The following NR2C2 variants were observed in gnomAD, a reference collection of about 807,000 sequenced individuals.
NR2C2 encodes the protein nuclear receptor subfamily 2 group C member 2.
A neutral mutation model predicts 62.9 loss-of-function variants in NR2C2; 6 were observed. That is an observed-to-expected ratio of 0.10 (90% confidence interval 0.05 to 0.19). The LOEUF (loss-of-function observed/expected upper bound fraction) is 0.19, where lower values mean the gene tolerates loss of function less well. Among genes scored for constraint, NR2C2 ranks in the 10% least tolerant of loss-of-function variants. The pLI, the probability that NR2C2 is intolerant of heterozygous loss-of-function variation, is 1.00. For missense variants in NR2C2, 479 were observed against 762.7 expected (o/e 0.63, Z 4.38); for synonymous variants, 272 against 273.8 (o/e 0.99, Z 0.07).
intron 1 of NR2C2, among the ~76,000 whole-genome samples, chr3:14,994,871 T>C (rs1265420437): frequency 2.0e-5 from 3 of 149,570 alleles, no homozygotes; most frequent in Non-Finnish European, 4.4e-5. Context: ...GCTATGATTG[T>C]GCCACTGCAC....
intron 5 of NR2C2, among the ~76,000 whole-genome samples, chr3:15,021,534 G>T (rs1277793993): frequency 6.6e-6 from 1 of 152,188 alleles, no homozygotes; most frequent in Non-Finnish European, 1.5e-5. Context: ...GGACCAGTCA[G>T]CATGGAGGTC....
intron 1 of NR2C2, among the ~76,000 whole-genome samples, chr3:14,962,987 T>C (rs1389277560): frequency 6.6e-6 from 1 of 152,072 alleles, no homozygotes; most frequent in Non-Finnish European, 1.5e-5. Context: ...TATTATAAAA[T>C]AGGTTGAGAA....
intron 2 of NR2C2, chr3:15,004,512 T>C (rs770567612): frequency 2.6e-6 from 4 of 1,564,540 alleles, no homozygotes; most frequent in Non-Finnish European, 2.6e-6. Context: ...ACTAATATTG[T>C]TATTAACTAA....
intron 1 of NR2C2, among the ~76,000 whole-genome samples, chr3:15,002,933 C>G (rs900888629): frequency 8.0e-5 from 12 of 150,278 alleles, no homozygotes; most frequent in African/African-American, 2.9e-4. Context: ...GCTGGGATTA[C>G]AGGCGTGAGC....
chr3:14,953,158 A>G (rs2039418888), intron 1 of NR2C2, among the ~76,000 whole-genome samples: 1 of 135,114 alleles, frequency 7.4e-6, no homozygotes, highest in African/African-American at 2.5e-5. Context: ...GTAATGATGA[A>G]AGTCAGCCTC....
At chr3:15,042,732 G>C (rs780406001) in intron 13 of NR2C2, 102 bp from the exon 14 acceptor site, 2 of 1,008,528 alleles carry the variant, frequency 2.0e-6, no homozygotes, top group East Asian at 2.4e-5. Context: ...GATCCGTTTG[G>C]TTTGATTCTG....
At chr3:15,022,231 AG>A (rs2041687977) in intron 5 of NR2C2, among the ~76,000 whole-genome samples, 1 of 152,214 alleles carries the variant, frequency 6.6e-6, no homozygotes, top group Non-Finnish European at 1.5e-5. Context: ...GACTGCTAAA[AG>A]GAGAGTTTGC....
In NR2C2 at chr3:15,044,614, C is replaced by A. The variant is rs2042386296; in HGVS notation, c.*1606C>A. On this transcript the variant is annotated 3_prime_UTR_variant, in exon 14 of 14. Transcript: ENST00000425241. ...AAATAGTCCAGATTAAGAAAATACACCCTGTTGGGTTAAATTTGCCTCTCT... is the reference window on the plus strand; with the variant it reads ...AAATAGTCCAGATTAAGAAAATACAACCTGTTGGGTTAAATTTGCCTCTCT... 1 of 152,222 alleles carries A rather than the reference C, an allele frequency of 6.6e-6. No homozygotes were observed. The highest frequency in any genetic ancestry group is 1.5e-5 in the Non-Finnish European group (1 of 68,042). 9.4% of individuals were successfully genotyped at this position (152,222 alleles called of 1,614,324 possible). A position where few individuals can be genotyped will look rare whatever the true frequency, so the allele number is the denominator to read the frequency against.
intron 4 of NR2C2, among the ~76,000 whole-genome samples, chr3:15,020,267 CAG>C (rs2041634486): frequency 1.3e-5 from 2 of 152,194 alleles, no homozygotes; most frequent in African/African-American, 2.4e-5. Flanking sequence ...GGACGTGAAT[CAG>C]AGAGGGGCTA....
chr3:15,030,136 C>A, intron 8 of NR2C2, 139 bp from the exon 9 acceptor site: 2 of 746,312 alleles, frequency 2.7e-6, no homozygotes, highest in Non-Finnish European at 4.3e-6. Context: ...ACCAGCCTGG[C>A]CAACATAGTG....
intron 2 of NR2C2, among the ~76,000 whole-genome samples, chr3:15,010,882 T>A (rs1438708581): frequency 6.6e-6 from 1 of 152,126 alleles, no homozygotes; most frequent in Non-Finnish European, 1.5e-5. Context: ...GACATGCTGG[T>A]TATCTGTGTG....
intron 1 of NR2C2, among the ~76,000 whole-genome samples, chr3:14,972,289 C>G (rs2040067401): frequency 6.6e-6 from 1 of 151,074 alleles, no homozygotes; most frequent in African/African-American, 2.4e-5. Flanking sequence ...ATTCCCATGT[C>G]TCAGCCACCT....
At chr3:15,004,093 T>TA (rs1691267930) in intron 2 of NR2C2, 107 bp downstream of exon 2, 1 of 821,790 alleles carries the variant, frequency 1.2e-6, no homozygotes, top group Non-Finnish European at 1.9e-6. Flanking sequence ...GGGCATGAAA[T>TA]ACAGTACAAC....
chr3:15,021,000 A>G lies in NR2C2; in HGVS notation c.556+68A>G, dbSNP rs1052767988. 2.0e-5 allele frequency: 29 copies of G among 1,464,842 alleles called. No homozygotes were observed. In the African/African-American group the frequency reaches 4.1e-4, roughly 21 times the overall value. 90.7% of individuals were successfully genotyped at this position (1,464,842 alleles called of 1,614,324 possible). A position where few individuals can be genotyped will look rare whatever the true frequency, so the allele number is the denominator to read the frequency against. On this transcript the variant is annotated intron_variant, in intron 5 of 13. Transcript: ENST00000425241. ...GAGACAGTAAATGAGTCCATTAAATAAGGTTTCTATACCTGGCCTTAAAAT... is the reference window on the plus strand; with the variant it reads ...GAGACAGTAAATGAGTCCATTAAATGAGGTTTCTATACCTGGCCTTAAAAT...
intron 1 of NR2C2, among the ~76,000 whole-genome samples, chr3:14,954,718 A>G (rs547721692): frequency 6.6e-6 from 1 of 152,176 alleles, no homozygotes; most frequent in Non-Finnish European, 1.5e-5. Flanking sequence ...GGGGTGTGAG[A>G]GGGACTTTTG....
chr3:15,024,566 G>A (rs1034831670), intron 7 of NR2C2, among the ~76,000 whole-genome samples: 6 of 152,166 alleles, frequency 3.9e-5, no homozygotes, highest in East Asian at 1.9e-4. Flanking sequence ...AAAAGCCCCG[G>A]GTTCCTTTTT....
At chr3:15,040,169 A>AC (rs1480059519) in intron 13 of NR2C2, among the ~76,000 whole-genome samples, 4 of 151,714 alleles carry the variant, frequency 2.6e-5, no homozygotes, top group Admixed American at 2.6e-4. Context: ...CAAAAAACAA[A>AC]AAAAAAAACA....
intron 8 of NR2C2, 119 bp from the exon 9 acceptor site, chr3:15,030,156 C>G: frequency 1.1e-6 from 1 of 871,884 alleles, no homozygotes; most frequent in East Asian, 2.8e-5. Flanking sequence ...GAAACCCCAT[C>G]TCTACGGTAG....
chr3:15,013,174 T>C (rs1304867155), intron 2 of NR2C2, among the ~76,000 whole-genome samples: 1 of 152,236 alleles, frequency 6.6e-6, no homozygotes, highest in African/African-American at 2.4e-5. Flanking sequence ...CAGGACCTTT[T>C]AGAAAGAGGC....
Sources: allele counts gnomAD v4.1 joint callset (sites outside exome capture counted in the v4.1 genomes callset), GRCh38; gene constraint gnomAD v4.1.1; transcripts MANE v1.5; gene names NCBI Gene and HGNC (gene_info 2026-07-23, HGNC 2026-07-21).